Variants in PRR16 observed in about 807,000 individuals in gnomAD.
PRR16 encodes the protein protein Largen.
In PRR16, 6 loss-of-function variants were observed where a neutral mutation model predicts 18.2. That is an observed-to-expected ratio of 0.33 (90% confidence interval 0.18 to 0.65). PRR16 has a LOEUF of 0.65. Ranked by LOEUF, PRR16 falls within the 30% of genes least tolerant of loss-of-function variation. PRR16 has a pLI of 0.74. For synonymous variants in PRR16, 151 were observed against 147.8 expected (o/e 1.02, Z -0.16); for missense variants, 412 against 376.6 (o/e 1.09, Z -0.78).
At chr5:120,702,310 G>A in the PRR16 span, among the ~76,000 whole-genome samples, 83 of 151,716 alleles carry the variant, frequency 5.5e-4, 1 homozygote, top group African/African-American at 2.0e-3. Context: ...CGAGATAAGA[G>A]GTCGGGGCAT....
intron 1 of PRR16, among the ~76,000 whole-genome samples, chr5:120,556,176 C>G (rs755122777): frequency 1.3e-5 from 2 of 150,566 alleles, no homozygotes; most frequent in African/African-American, 4.9e-5. Context: ...AACAACTCGC[C>G]TATTCTCCAA....
chr5:120,523,496 A>G (rs543111593), intron 1 of PRR16, among the ~76,000 whole-genome samples: 1 of 152,134 alleles, frequency 6.6e-6, no homozygotes, highest in African/African-American at 2.4e-5. Context: ...ACAGCATTTA[A>G]TGTCCATGTC....
intron 1 of PRR16, among the ~76,000 whole-genome samples, chr5:120,620,245 G>C (rs1754644574): frequency 6.6e-6 from 1 of 152,102 alleles, no homozygotes; most frequent in Middle Eastern, 3.2e-3. Flanking sequence ...ATCACGAAGA[G>C]TGACCTTGAA....
chr5:120,608,356 C>A (rs939539982), intron 1 of PRR16, among the ~76,000 whole-genome samples: 7 of 152,114 alleles, frequency 4.6e-5, no homozygotes, highest in Non-Finnish European at 7.4e-5. Flanking sequence ...CAGATTGATG[C>A]CCCTGAGCTC....
rs756035915 is a variant in PRR16 at position 120,464,532 on chromosome 5, G to A, written c.46G>A (p.Glu16Lys). The A allele has an allele frequency of 1.5e-5, 24 of 1,591,846 alleles. No individual in the cohort carries two copies. The highest frequency in any genetic ancestry group is 6.7e-5 in the African/African-American group (5 of 74,840). Residue 16 changes from glutamate to lysine, a missense_variant, in exon 1 of 2, where the codon GAG becomes AAG. Transcript: ENST00000407149. ...KGNPSSSCPAEGPPAASKTKV... is the reference protein window; with the variant it reads ...KGNPSSSCPAKGPPAASKTKV... ...GAACCCCTCCTCGTCCTGTCCAGCC[G>A]AGGGACCGCCGGCAGCCTCCAAAAC...
chr5:120,512,049 CA>C (rs1161281964), intron 1 of PRR16, among the ~76,000 whole-genome samples: 1 of 152,118 alleles, frequency 6.6e-6, no homozygotes, highest in Non-Finnish European at 1.5e-5. Context: ...TTAGTGTAGT[CA>C]AGGAACCCTG....
chr5:120,609,735 A>G (rs1413969794), intron 1 of PRR16, among the ~76,000 whole-genome samples: 1 of 152,216 alleles, frequency 6.6e-6, no homozygotes, highest in Non-Finnish European at 1.5e-5. Flanking sequence ...CAGAAAAGAA[A>G]AATAAACATG....
At chr5:120,679,123 T>C (rs1039739192) in intron 1 of PRR16, among the ~76,000 whole-genome samples, 18 of 152,160 alleles carry the variant, frequency 1.2e-4, no homozygotes, top group African/African-American at 3.1e-4. Context: ...CCTCCTGGGA[T>C]TGTCAAACAC....
intron 1 of PRR16, among the ~76,000 whole-genome samples, chr5:120,537,870 G>A (rs1246963592): frequency 2.0e-5 from 3 of 148,138 alleles, no homozygotes; most frequent in Admixed American, 1.4e-4. Flanking sequence ...TCCGCCTCCC[G>A]GGTTCACGCC....
chr5:120,567,778 C>T (rs1752783054), intron 1 of PRR16, among the ~76,000 whole-genome samples: 1 of 152,170 alleles, frequency 6.6e-6, no homozygotes, highest in Non-Finnish European at 1.5e-5. Flanking sequence ...TTCAGGCCTC[C>T]CCAGCCATGC....
At chr5:120,779,133 G>T in the PRR16 span, among the ~76,000 whole-genome samples, 3 of 152,026 alleles carry the variant, frequency 2.0e-5, no homozygotes, top group African/African-American at 7.2e-5. Flanking sequence ...GTTTAATGCA[G>T]TTACACAAAG....
chr5:120,684,731 C>G (rs1757068185), intron 1 of PRR16, among the ~76,000 whole-genome samples: 1 of 152,146 alleles, frequency 6.6e-6, no homozygotes, highest in African/African-American at 2.4e-5. Context: ...AATGACTGAA[C>G]AGGGCAGAGA....
intron 1 of PRR16, among the ~76,000 whole-genome samples, chr5:120,503,745 C>G (rs1184418151): frequency 1.5e-5 from 2 of 137,904 alleles, no homozygotes; most frequent in Non-Finnish European, 3.2e-5. Flanking sequence ...CCCATTAACT[C>G]GTCATTTAGC....
At chr5:120,582,828 A>T (rs950095458) in intron 1 of PRR16, among the ~76,000 whole-genome samples, 1 of 151,042 alleles carries the variant, frequency 6.6e-6, no homozygotes, top group Non-Finnish European at 1.5e-5. Flanking sequence ...GGTATTTCCA[A>T]GGCTTGGCAG....
chr5:120,645,821 CTCGAATAA>C (rs1755573677), intron 1 of PRR16, among the ~76,000 whole-genome samples: 1 of 121,792 alleles, frequency 8.2e-6, no homozygotes, highest in South Asian at 2.7e-4. Context: ...GGCATTACAT[CTCGAATAA>C]CAATGACTAG....
chr5:120,754,579 T>A, the PRR16 span, among the ~76,000 whole-genome samples: 1 of 13,592 alleles, frequency 7.4e-5, no homozygotes, highest in Non-Finnish European at 1.2e-4. Flanking sequence ...TATTTATATT[T>A]TATATATTAT....
the PRR16 span, among the ~76,000 whole-genome samples, chr5:120,700,288 G>T: frequency 2.6e-5 from 4 of 152,142 alleles, no homozygotes; most frequent in African/African-American, 9.7e-5. Flanking sequence ...GCAGGCGAGT[G>T]ATAACAGGCT....
chr5:120,623,682 T>C (rs893767840), intron 1 of PRR16, among the ~76,000 whole-genome samples: 4 of 152,120 alleles, frequency 2.6e-5, no homozygotes, highest in African/African-American at 9.7e-5. Context: ...AAAGTTTATA[T>C]TAGAACAAAA....
intron 1 of PRR16, among the ~76,000 whole-genome samples, chr5:120,562,780 C>T (rs1041929456): frequency 9.9e-5 from 15 of 152,130 alleles, no homozygotes; most frequent in African/African-American, 3.6e-4. Flanking sequence ...AAAAACTCTA[C>T]ACCTTAACTC....
Sources: gnomAD v4.1 joint callset for allele counts (sites outside exome capture counted in the v4.1 genomes callset) on GRCh38, gnomAD v4.1.1 for gene constraint, MANE v1.5 for transcripts, NCBI Gene and HGNC (gene_info 2026-07-23, HGNC 2026-07-21) for gene names.